MOBP: variants seen among roughly 807,000 people sequenced by gnomAD.
MOBP encodes myelin-associated oligodendrocyte basic protein.
Under a neutral mutation model 15.0 loss-of-function variants are expected in MOBP, and 5 were observed. That is an observed-to-expected ratio of 0.33 (90% CI 0.17 to 0.70). MOBP has a LOEUF of 0.70. MOBP is among the 30% of genes least tolerant of loss of function. The pLI, the probability that MOBP is intolerant of heterozygous loss-of-function variation, is 0.67. For synonymous variants in MOBP, 88 were observed against 99.0 expected (o/e 0.89, Z 0.66); for missense variants, 188 against 257.8 (o/e 0.73, Z 1.85).
chr3:39,487,961 T>C (rs1490428395), intron 2 of MOBP, among the ~76,000 whole-genome samples: 1 of 152,194 alleles, frequency 6.6e-6, no homozygotes, highest in East Asian at 1.9e-4. Context: ...TTTACATCTT[T>C]TATGATAAAG....
intron 1 of MOBP, among the ~76,000 whole-genome samples, chr3:39,479,723 G>A (rs1398643894): frequency 6.6e-6 from 1 of 151,506 alleles, no homozygotes; most frequent in Non-Finnish European, 1.5e-5. Flanking sequence ...CAAAAATTCG[G>A]CTTGTAAAGC....
chr3:39,501,961 G>A (rs1043043023), intron 2 of MOBP, 105 bp from the exon 3 acceptor site: 35 of 944,100 alleles, frequency 3.7e-5, no homozygotes, highest in Non-Finnish European at 5.8e-5. Flanking sequence ...CCCCCTGAAT[G>A]TTACCTTGGA....
chr3:39,500,151 G>T (rs1289620859), intron 2 of MOBP: 1 of 447,732 alleles, frequency 2.2e-6, no homozygotes, highest in Non-Finnish European at 4.5e-6. Flanking sequence ...CTCAGTAAAT[G>T]AAGTTTTTCT....
intron 1 of MOBP, among the ~76,000 whole-genome samples, chr3:39,469,309 C>CTA (rs2042432868): frequency 7.6e-6 from 1 of 131,952 alleles, no homozygotes; most frequent in Admixed American, 8.0e-5. Context: ...TATATATACA[C>CTA]ATATTTATAT....
At chr3:39,527,842 A>G (rs1046995403), downstream of MOBP, 2 of 152,260 alleles carry the variant, frequency 1.3e-5, no homozygotes, top group African/African-American at 4.8e-5. Flanking sequence ...GTGTTCATCT[A>G]GATGGAAGCT....
chr3:39,513,704 T>C, exon 5 of MOBP: 1 of 413,584 alleles, frequency 2.4e-6, no homozygotes, highest in East Asian at 3.7e-5. Context: ...TTGTTTCACC[T>C]GCAGTCCTTT....
intron 1 of MOBP, among the ~76,000 whole-genome samples, chr3:39,477,849 T>A (rs481523): frequency 0.36 from 53,990 of 151,482 alleles, 13,391 homozygotes; most frequent in African/African-American, 0.71. Context: ...TTTAAAAAAT[T>A]AAAAATTAAA....
downstream of MOBP, among the ~76,000 whole-genome samples, chr3:39,520,254 G>A (rs1309382222): frequency 6.6e-6 from 1 of 152,090 alleles, no homozygotes; most frequent in Non-Finnish European, 1.5e-5. Context: ...TTCCCAAATG[G>A]CCTGATGACA....
rs1211208766 is a variant in MOBP, at chr3:39,502,907, G to T, written c.*27G>T. Reference sequence around the variant, plus strand: ...ACCATCTCTTCCCTTTTGTTCCCCAGCCCTAAGGTTAGTAGTTGCTTCCTG... The same window carrying T: ...ACCATCTCTTCCCTTTTGTTCCCCATCCCTAAGGTTAGTAGTTGCTTCCTG... On this transcript the variant is annotated 3_prime_UTR_variant, in exon 4 of 4. Coordinates refer to ENST00000684792, the MANE Select transcript of MOBP (RefSeq NM_001393704.1). The surrounding 1 kb of genome is among the most constrained non-coding windows in gnomAD (Gnocchi z 6.3). 1.9e-6 allele frequency: 2 copies of T among 1,040,686 alleles called. No individual in the cohort carries two copies. The highest frequency in any genetic ancestry group is 2.8e-5 in the Admixed American group (1 of 36,148). The allele number at this position is 1,040,686 out of a possible 1,614,324, so 64.5% of individuals were successfully genotyped here.
At chr3:39,504,001 A>G (rs1221362902), downstream of MOBP, among the ~76,000 whole-genome samples, 1 of 152,190 alleles carries the variant, frequency 6.6e-6, no homozygotes, top group African/African-American at 2.4e-5. Flanking sequence ...CAGTACGCAG[A>G]CTACACAATG....
intron 3 of MOBP, among the ~76,000 whole-genome samples, chr3:39,523,382 A>G (rs1413214804): frequency 6.6e-6 from 1 of 152,116 alleles, no homozygotes; most frequent in Non-Finnish European, 1.5e-5. Flanking sequence ...TTGATCATTG[A>G]CATTGCCATA....
intron 2 of MOBP, among the ~76,000 whole-genome samples, chr3:39,485,345 A>G (rs1289652942): frequency 6.6e-6 from 1 of 152,114 alleles, no homozygotes; most frequent in Non-Finnish European, 1.5e-5. Flanking sequence ...ATTGTTTTTT[A>G]CTGTGTAAAT....
chr3:39,504,709 G>A (rs890268585), downstream of MOBP, among the ~76,000 whole-genome samples: 1 of 152,228 alleles, frequency 6.6e-6, no homozygotes, highest in African/African-American at 2.4e-5. Flanking sequence ...ATATATTGGA[G>A]CCACTTCTTC....
exon 5 of MOBP, chr3:39,515,518 A>G (rs978705449): frequency 6.6e-6 from 1 of 150,756 alleles, no homozygotes; most frequent in Non-Finnish European, 1.5e-5. Flanking sequence ...GACAAGGTTC[A>G]TTGTTCTTCC....
downstream of MOBP, among the ~76,000 whole-genome samples, chr3:39,507,428 G>A (rs2043062155): frequency 1.3e-5 from 2 of 152,202 alleles, no homozygotes; most frequent in African/African-American, 4.8e-5. Context: ...AGAGGGAATG[G>A]AGGTAGTTGA....
intron 1 of MOBP, among the ~76,000 whole-genome samples, chr3:39,469,895 G>C (rs748420510): frequency 4.6e-5 from 7 of 152,314 alleles, no homozygotes; most frequent in Admixed American, 1.3e-4. Flanking sequence ...CCAAAAGTGT[G>C]TAAGTATTGC....
downstream of MOBP, chr3:39,503,069 G>A (rs2042999102): frequency 1.9e-6 from 1 of 516,962 alleles, no homozygotes; most frequent in Non-Finnish European, 3.4e-6. Context: ...TGCTATTGGT[G>A]CATACTTCAG....
rs959871043 is a variant in MOBP, at chr3:39,468,757, TAC to T, written c.-89+1019_-89+1020del. On this transcript the variant is annotated intron_variant, in intron 1 of 3. Coordinates refer to ENST00000684792, the MANE Select transcript of MOBP (RefSeq NM_001393704.1). ...ATATGTGTGTGTATATATACATATATACATGTGTGTGTATATATACATATATA... is the reference window on the plus strand; with the variant it reads ...ATATGTGTGTGTATATATACATATATATGTGTGTGTATATATACATATATA... Among the ~76,000 whole-genome samples the T allele has an allele frequency of 5.3e-4, 76 of 144,050 alleles. 7 individuals are homozygous for T. The highest frequency in any genetic ancestry group is 9.4e-4 in the Non-Finnish European group (62 of 66,022). 94.5% of individuals were successfully genotyped at this position (144,050 alleles called of 152,430 possible).
chr3:39,500,725 A>G (rs1446262447), intron 2 of MOBP, among the ~76,000 whole-genome samples: 3 of 152,220 alleles, frequency 2.0e-5, no homozygotes, highest in Non-Finnish European at 4.4e-5. Context: ...AGAGGAGGGT[A>G]ATAGGGAAGC....
Sources: allele counts gnomAD v4.1 joint callset (sites outside exome capture counted in the v4.1 genomes callset), GRCh38; gene constraint gnomAD v4.1.1; non-coding constraint Gnocchi (gnomAD v3.1); transcripts MANE v1.5; gene names NCBI Gene and HGNC (gene_info 2026-07-23, HGNC 2026-07-21).